The following LRRC4C variants were observed in gnomAD, a reference collection of about 807,000 sequenced individuals.
The protein encoded by LRRC4C is leucine rich repeat containing 4C, also known as leucine-rich repeat-containing protein 4C.
Under a neutral mutation model 33.6 loss-of-function variants are expected in LRRC4C, and 5 were observed. The observed-to-expected ratio is 0.15, with a 90% CI of 0.08 to 0.31. The LOEUF (loss-of-function observed/expected upper bound fraction) is 0.31, where lower values mean the gene tolerates loss of function less well. Among genes scored for constraint, LRRC4C ranks in the 10% least tolerant of loss-of-function variants. LRRC4C has a pLI of 1.00. For synonymous variants in LRRC4C, 329 were observed against 302.0 expected, an observed-to-expected ratio of 1.09 and a Z score of -0.93; for missense variants, 560 against 796.7, an observed-to-expected ratio of 0.70 and a Z score of 3.58.
At chr11:40,304,006 T>C (rs1159261692) in intron 4 of LRRC4C, among the ~76,000 whole-genome samples, 2 of 152,182 alleles carry the variant, frequency 1.3e-5, no homozygotes, top group Non-Finnish European at 2.9e-5. Context: ...TAAAGTGAAA[T>C]TGATGACATC....
At chr11:40,733,061 GTTTTTTTTTTTTTT>G (rs544471413) in intron 2 of LRRC4C, among the ~76,000 whole-genome samples, 41 of 57,640 alleles carry the variant, frequency 7.1e-4, no homozygotes, top group Middle Eastern at 0.015. Context: ...TATGAATATA[GTTTTTTTTTTTTTT>G]TTTTTTTTTT....
At chr11:40,918,927 T>A (rs904379036) in intron 2 of LRRC4C, among the ~76,000 whole-genome samples, 3 of 152,158 alleles carry the variant, frequency 2.0e-5, no homozygotes, top group Non-Finnish European at 4.4e-5. Context: ...ACATCAGCAT[T>A]ATCAAAGTGG....
chr11:41,240,963 T>G (rs1054853294), intron 1 of LRRC4C, among the ~76,000 whole-genome samples: 1 of 152,124 alleles, frequency 6.6e-6, no homozygotes, highest in Non-Finnish European at 1.5e-5. Context: ...GGAACCACCA[T>G]TTTACTGTGG....
intron 6 of LRRC4C, among the ~76,000 whole-genome samples, chr11:40,136,428 G>A (rs1376456614): frequency 3.4e-5 from 5 of 148,766 alleles, no homozygotes; most frequent in African/African-American, 5.0e-5. Flanking sequence ...CACCATGCCC[G>A]GCTACTTTTT....
intron 1 of LRRC4C, among the ~76,000 whole-genome samples, chr11:41,409,176 A>G (rs563196090): frequency 1.7e-3 from 261 of 152,294 alleles, no homozygotes; most frequent in African/African-American, 5.9e-3. Context: ...TTGGAACTGC[A>G]GAATATACAC....
intron 1 of LRRC4C, among the ~76,000 whole-genome samples, chr11:41,411,968 T>C (rs1302023058): frequency 6.6e-6 from 1 of 152,140 alleles, no homozygotes; most frequent in Non-Finnish European, 1.5e-5. Context: ...ATTAACAAGT[T>C]GGAAAATAAG....
At chr11:41,372,529 G>A (rs1952788414) in intron 1 of LRRC4C, among the ~76,000 whole-genome samples, 1 of 152,078 alleles carries the variant, frequency 6.6e-6, no homozygotes, top group African/African-American at 2.4e-5. Flanking sequence ...ATTTGATAGG[G>A]CCAAGTTTGA....
chr11:41,243,103 C>T (rs755639196), intron 1 of LRRC4C, among the ~76,000 whole-genome samples: 4 of 152,274 alleles, frequency 2.6e-5, no homozygotes, highest in Admixed American at 6.5e-5. Flanking sequence ...ATCCCTCTGA[C>T]GCTGTGCTTA....
At chr11:40,271,623 G>A (rs566762725) in intron 4 of LRRC4C, among the ~76,000 whole-genome samples, 1 of 152,228 alleles carries the variant, frequency 6.6e-6, no homozygotes, top group East Asian at 1.9e-4. Context: ...GCCTCCTGAA[G>A]CCACTAAGGC....
intron 3 of LRRC4C, among the ~76,000 whole-genome samples, chr11:40,536,650 C>G (rs528465898): frequency 6.6e-6 from 1 of 152,280 alleles, no homozygotes; most frequent in East Asian, 1.9e-4. Context: ...AGCCATCTAA[C>G]GTTAGAACCT....
chr11:40,988,608 G>A (rs769047981), intron 1 of LRRC4C, among the ~76,000 whole-genome samples: 1 of 151,618 alleles, frequency 6.6e-6, no homozygotes, highest in Non-Finnish European at 1.5e-5. Context: ...ATTCTGCTTG[G>A]TTGAATCCCC....
intron 1 of LRRC4C, among the ~76,000 whole-genome samples, chr11:41,400,463 G>C (rs16935674): frequency 0.064 from 9,778 of 151,762 alleles, 370 homozygotes; most frequent in Middle Eastern, 0.14. Context: ...AATTCATTTT[G>C]GTCATCTTCC....
At chr11:40,938,630 C>T (rs574168231) in intron 1 of LRRC4C, among the ~76,000 whole-genome samples, 1 of 152,202 alleles carries the variant, frequency 6.6e-6, no homozygotes, top group South Asian at 2.1e-4. Context: ...AAAAATATGA[C>T]CTAGGTGATT....
chr11:40,696,774 A>ATATATC (rs1452827874), intron 2 of LRRC4C, among the ~76,000 whole-genome samples: 1 of 144,488 alleles, frequency 6.9e-6, no homozygotes, highest in Non-Finnish European at 1.5e-5. Flanking sequence ...ATATATATAT[A>ATATATC]TCTGAGTATA....
At chr11:40,604,982 C>T (rs148634160) in intron 3 of LRRC4C, among the ~76,000 whole-genome samples, 3,065 of 152,164 alleles carry the variant, frequency 0.02, 47 homozygotes, top group South Asian at 0.037. Context: ...ACTCATAGAT[C>T]TTGATCCTTT....
chr11:40,180,012 A>C (rs908640810), intron 5 of LRRC4C, among the ~76,000 whole-genome samples: 2 of 152,212 alleles, frequency 1.3e-5, no homozygotes, highest in Non-Finnish European at 2.9e-5. Context: ...TTCCTCAGGA[A>C]TGACACCTTG....
chr11:40,695,475 C>T (rs766769088), intron 2 of LRRC4C, among the ~76,000 whole-genome samples: 1 of 152,092 alleles, frequency 6.6e-6, no homozygotes, highest in Non-Finnish European at 1.5e-5. Context: ...GAAAAAGGAA[C>T]AGCTCTATTT....
At chr11:40,183,677 G>A (rs1158906258) in intron 5 of LRRC4C, among the ~76,000 whole-genome samples, 1 of 152,180 alleles carries the variant, frequency 6.6e-6, no homozygotes, top group Non-Finnish European at 1.5e-5. Flanking sequence ...CATTGAAAAG[G>A]TTGAGCTAAC....
At chr11:40,585,713 A>C (rs1256463079) in intron 3 of LRRC4C, among the ~76,000 whole-genome samples, 5 of 141,804 alleles carry the variant, frequency 3.5e-5, no homozygotes, top group Non-Finnish European at 7.7e-5. Flanking sequence ...ATGAGGGAGA[A>C]TATGCAGTGT....
Sources: allele counts gnomAD v4.1 joint callset (sites outside exome capture counted in the v4.1 genomes callset), GRCh38; gene constraint gnomAD v4.1.1; transcripts MANE v1.5; gene names NCBI Gene and HGNC (gene_info 2026-07-23, HGNC 2026-07-21).